SFI1: variants seen among roughly 807,000 people sequenced by gnomAD.
SFI1 encodes the protein SFI1 centrin binding protein, also known as protein SFI1 homolog.
A neutral mutation model predicts 207.5 loss-of-function variants in SFI1; 195 were observed. The ratio of observed to expected loss-of-function variants is 0.94; its 90% CI spans 0.84 to 1.06. The LOEUF is 1.06. Ranked by LOEUF, SFI1 falls within the 50% of genes least tolerant of loss-of-function variation. SFI1 has a pLI of 0.00. For synonymous variants in SFI1, 630 were observed against 598.9 expected (o/e 1.05, Z -0.76); for missense variants, 1,634 against 1,588.0 (o/e 1.03, Z -0.49).
At chr22:31,573,589 C>T (rs1468559904) in intron 9 of SFI1, among the ~76,000 whole-genome samples, 1 of 151,946 alleles carries the variant, frequency 6.6e-6, no homozygotes, top group African/African-American at 2.4e-5. Flanking sequence ...AGGTGCCCAC[C>T]ACCTCGCCCG....
chr22:31,503,523 A>C (rs1053412612), intron 1 of SFI1, among the ~76,000 whole-genome samples: 1 of 151,070 alleles, frequency 6.6e-6, no homozygotes, highest in Admixed American at 6.6e-5. Context: ...GCCACCTTAG[A>C]AGGTCAATCT....
chr22:31,604,671 G>A (rs2068668642), intron 19 of SFI1, 198 bp from the exon 20 acceptor site: 1 of 596,306 alleles, frequency 1.7e-6, no homozygotes, highest in Non-Finnish European at 3.0e-6. Flanking sequence ...TGACTTAGGA[G>A]GTGAGGGCCT....
At chr22:31,594,000 G>GAGGGAGAGGGGC (rs1431676683) in intron 15 of SFI1, among the ~76,000 whole-genome samples, 4 of 86,754 alleles carry the variant, frequency 4.6e-5, no homozygotes, top group African/African-American at 1.2e-4. Context: ...GGGAGAGGGA[G>GAGGGAGAGGGGC]AGGGACAGGG....
chr22:31,557,267 C>G (rs1401895226), intron 7 of SFI1, among the ~76,000 whole-genome samples: 3 of 152,134 alleles, frequency 2.0e-5, no homozygotes, highest in Admixed American at 2.0e-4. Context: ...CAACTTCCAC[C>G]TCCCAGGTTC....
Position 31,556,965 on chromosome 22 carries a change from G to C in SFI1, c.568G>C (p.Ala190Pro), listed in dbSNP as rs754460382. Residue 190 changes from alanine to proline, a missense_variant, in exon 7 of 33, where the codon GCC (alanine) becomes CCC (proline). Ala to Pro is a conservative substitution (Grantham distance 27, BLOSUM62 -1). Transcript: ENST00000400288. Reference sequence around the variant, plus strand: ...AGATGCAAAGCAAAAGATGCGACAGGCCTGGAAGTCCTGGTTGATCTACGT... The same window carrying C: ...AGATGCAAAGCAAAAGATGCGACAGCCCTGGAAGTCCTGGTTGATCTACGT... ...VHDAKQKMRQ[A>P]WKSWLIYVVV... is the part of the protein sequence containing the mutation. The C allele has an allele frequency of 1.2e-6, 2 of 1,609,686 alleles. 1 individual carries two copies.
intron 11 of SFI1, 75 bp downstream of exon 11, chr22:31,578,527 C>T (rs1330517622): frequency 1.5e-6 from 2 of 1,365,650 alleles, no homozygotes; most frequent in Non-Finnish European, 1.0e-6. Flanking sequence ...GACCCTGACC[C>T]CTATCACCTT....
Position 31,546,920 on chromosome 22 carries a change from G to C in SFI1, c.398G>C (p.Trp133Ser), listed in dbSNP as rs1307953835. ...KVFEEWKEEW[W>S]VFQHEWKLCV... ...TTCGAAGAATGGAAAGAGGAGTGGT[G>C]GGTTTTCCAGCACGAGTGGAAACTC... Residue 133 changes from tryptophan (W) to serine (S), a missense_variant, in exon 5 of 33, where the codon TGG (tryptophan) becomes TCG (serine). Transcript: ENST00000400288. 6.2e-7 allele frequency: 1 copy of C among 1,612,406 alleles called. No homozygotes were observed. The highest frequency in any genetic ancestry group is 1.1e-5 in the South Asian group (1 of 90,560).
Position 31,589,526 on chromosome 22 carries a change from G to T in SFI1, c.1493G>T (p.Arg498Leu). The change falls in exon 15 of 33, where the codon CGA (arginine) becomes CTA (leucine). Residue 498 changes from arginine to leucine, a missense_variant. Transcript: ENST00000400288. ...AAFHTWNRLW[R>L]WRHQENVLSA... ...TTCCACACATGGAACAGACTCTGGC[G>T]ATGGCGCCACCAGGAAAATGTCCTC... The T allele has an allele frequency of 1.2e-6, 2 of 1,613,984 alleles. No individual in the cohort carries two copies. The highest frequency in any genetic ancestry group is 2.2e-5 in the South Asian group (2 of 91,032).
chr22:31,570,021 G>A (rs2062784775), intron 8 of SFI1, among the ~76,000 whole-genome samples: 1 of 151,798 alleles, frequency 6.6e-6, no homozygotes, highest in African/African-American at 2.4e-5. Context: ...GGAGGCTGAG[G>A]CAGGAAGATT....
chr22:31,506,452 C>T (rs535102136), intron 1 of SFI1, among the ~76,000 whole-genome samples: 8 of 152,076 alleles, frequency 5.3e-5, no homozygotes, highest in Non-Finnish European at 1.2e-4. Context: ...AAATCTTGGC[C>T]TCTACTGGTG....
At chr22:31,583,096 AT>A (rs965082732) in intron 12 of SFI1, among the ~76,000 whole-genome samples, 27 of 151,458 alleles carry the variant, frequency 1.8e-4, no homozygotes, top group African/African-American at 6.3e-4. Flanking sequence ...GCCTTGTATA[AT>A]TTTTTTTGTT....
chr22:31,518,283 C>A (rs994718937), intron 2 of SFI1, among the ~76,000 whole-genome samples: 3 of 152,192 alleles, frequency 2.0e-5, no homozygotes, highest in Admixed American at 6.6e-5. Flanking sequence ...GTGTAAGCCA[C>A]TGTGCCCAGC....
At position 31,614,772 on chromosome 22, in the gene SFI1, C is replaced by G. The variant is rs2071089899; in HGVS notation, c.2997-17C>G. On this transcript the variant is annotated splice_polypyrimidine_tract_variant and intron_variant, in intron 27 of 32. Coordinates refer to ENST00000400288, the MANE Select transcript of SFI1 (RefSeq NM_001007467.3). ...CCCTGGTCAGCCCAGGGGAACAGAC[C>G]CCATGTTTCTTTCCAGCAACACTGC... 2 of 1,613,664 alleles carry G rather than the reference C, an allele frequency of 1.2e-6. No homozygotes were observed. The highest frequency in any genetic ancestry group is 1.7e-6 in the Non-Finnish European group (2 of 1,179,942).
intron 2 of SFI1, among the ~76,000 whole-genome samples, chr22:31,525,719 TAGATAGATAG>T: frequency 4.5e-4 from 1 of 2,200 alleles, no homozygotes; most frequent in Admixed American, 2.2e-3. Context: ...CTGTCATTCA[TAGATAGATAG>T]ATAGATAGAT....
In SFI1 at chr22:31,614,102, T is replaced by A; in HGVS notation, c.2996+247T>A. The stretch of plus-strand genomic sequence containing the variant: ...CAAAGCTCAGGAAATAGGTGTCCCC[T>A]CCTCTGCAACACCTTCCTACCCTCT... On this transcript the variant is annotated intron_variant, in intron 27 of 32. Coordinates refer to ENST00000400288, the MANE Select transcript of SFI1 (RefSeq NM_001007467.3). The A allele has an allele frequency of 5.8e-6, 3 of 517,676 alleles. No individual in the cohort carries two copies. The South Asian group carries it at 1.1e-4, about 18-fold the overall frequency. 32.1% of individuals were successfully genotyped at this position (517,676 alleles called of 1,614,324 possible). A position where few individuals can be genotyped will look rare whatever the true frequency, so the allele number is the denominator to read the frequency against.
chr22:31,544,294 C>T (rs1208038730), intron 4 of SFI1, among the ~76,000 whole-genome samples: 1 of 152,036 alleles, frequency 6.6e-6, no homozygotes, highest in African/African-American at 2.4e-5. Flanking sequence ...TGTTATGACT[C>T]CCCTCTTCAG....
chr22:31,517,691 G>C (rs1484019419), intron 2 of SFI1, among the ~76,000 whole-genome samples: 2 of 151,880 alleles, frequency 1.3e-5, no homozygotes, highest in Non-Finnish European at 2.9e-5. Flanking sequence ...AATTGTCCTA[G>C]CACAGTTTAT....
rs766247561 is a variant in SFI1, at chr22:31,557,047, G to A, written c.650G>A (p.Arg217Gln). The A allele has an allele frequency of 1.5e-5, 24 of 1,603,966 alleles. No homozygotes were observed. The East Asian group carries it at 3.4e-4, about 22-fold the overall frequency. The change falls in exon 7 of 33, where the codon CGG becomes CAG. Residue 217 changes from arginine (R) to glutamine (Q), a missense_variant. Coordinates refer to ENST00000400288, the MANE Select transcript of SFI1 (RefSeq NM_001007467.3). The part of the protein sequence containing the change: ...MQTTALEFRQ[R>Q]IILRVWWSTW... ...ACTACAGCTCTGGAGTTTAGGCAAC[G>A]GATTATCTTACGGTGAGTCTGCTCA... is the stretch of plus-strand genomic sequence containing the variant.
Position 31,508,256 on chromosome 22 carries a change from T to C in SFI1, c.-29T>C, listed in dbSNP as rs1321396356. The C allele has an allele frequency of 2.7e-6, 4 of 1,484,258 alleles. No homozygotes were observed. The highest frequency in any genetic ancestry group is 1.7e-4 in the Middle Eastern group (1 of 5,812). The allele number at this position is 1,484,258 out of a possible 1,614,324, so 91.9% of individuals were successfully genotyped here. On this transcript the variant is annotated splice_region_variant and 5_prime_UTR_variant, in exon 2 of 33. Coordinates refer to ENST00000400288, the MANE Select transcript of SFI1 (RefSeq NM_001007467.3). ...TTTTTTATTCTCTTTTTCTTGTAGT[T>C]AGAAGGGGAAGATAAAAGACTTTGA...
Sources: gnomAD v4.1 joint callset for allele counts (sites outside exome capture counted in the v4.1 genomes callset) on GRCh38, gnomAD v4.1.1 for gene constraint, MANE v1.5 for transcripts, NCBI Gene and HGNC (gene_info 2026-07-23, HGNC 2026-07-21) for gene names.